Variants in GALNT2 observed in about 807,000 individuals in gnomAD.
The protein encoded by GALNT2 is polypeptide N-acetylgalactosaminyltransferase 2.
Under a neutral mutation model 81.4 loss-of-function variants are expected in GALNT2, and 31 were observed. The observed-to-expected ratio is 0.38, with a 90% CI of 0.29 to 0.51. GALNT2 has a LOEUF of 0.51. GALNT2 is among the 20% of genes least tolerant of loss of function. The probability of loss-of-function intolerance (pLI) is 0.87; values close to 1 mark genes in which losing one functional copy is unlikely to be tolerated. For missense variants in GALNT2, 629 were observed against 765.7 expected, an observed-to-expected ratio of 0.82 and a Z score of 2.11; for synonymous variants, 303 against 287.4, an observed-to-expected ratio of 1.05 and a Z score of -0.55.
At chr1:230,061,721 C>T (rs1022217872) in intron 1 of GALNT2, among the ~76,000 whole-genome samples, 2 of 152,078 alleles carry the variant, frequency 1.3e-5, no homozygotes, top group African/African-American at 4.8e-5. Flanking sequence ...CCTTTCCCTC[C>T]CACCCCTTCT....
At chr1:230,242,432 A>G (rs556272644) in intron 6 of GALNT2, among the ~76,000 whole-genome samples, 2 of 152,344 alleles carry the variant, frequency 1.3e-5, no homozygotes, top group South Asian at 2.1e-4. Flanking sequence ...CTCACCGGTT[A>G]TGAATAGTTG....
Position 230,257,642 on chromosome 1 carries a change from G to C in GALNT2, c.1136+2298G>C, listed in dbSNP as rs564033975. On this transcript the variant is annotated intron_variant, in intron 11 of 15. Transcript: ENST00000366672. This position sits in a 1 kb window ranked among gnomAD's most constrained non-coding sequence, Gnocchi z 4.6. ...TTCACACAACGACAACATCGCCTAA[G>C]GATGCATTTTTCAGGTTGTATCCCT... Among the ~76,000 whole-genome samples the C allele has an allele frequency of 1.8e-4, 27 of 152,292 alleles. No homozygotes were observed. Among genetic ancestry groups the C allele is most frequent in the African/African-American group, 6.5e-4 (27 of 41,546 alleles).
chr1:230,157,508 A>G (rs548590486), intron 1 of GALNT2, among the ~76,000 whole-genome samples: 1 of 152,344 alleles, frequency 6.6e-6, no homozygotes, highest in South Asian at 2.1e-4. Context: ...GGAAATGGAA[A>G]TTTATGTGCT....
At chr1:230,172,841 G>T (rs968036585) in intron 1 of GALNT2, among the ~76,000 whole-genome samples, 7 of 152,140 alleles carry the variant, frequency 4.6e-5, no homozygotes, top group African/African-American at 1.7e-4. Flanking sequence ...TGGGTTTACT[G>T]CTTCTGAAAA....
At chr1:230,117,914 A>C (rs767933699) in intron 1 of GALNT2, among the ~76,000 whole-genome samples, 31 of 152,216 alleles carry the variant, frequency 2.0e-4, no homozygotes, top group Non-Finnish European at 4.0e-4. Context: ...GAAGCAAGAT[A>C]TACGTGTCTG....
intron 1 of GALNT2, among the ~76,000 whole-genome samples, chr1:230,097,272 A>G (rs1196734665): frequency 6.6e-6 from 1 of 152,254 alleles, no homozygotes; most frequent in East Asian, 1.9e-4. Context: ...TATCAACTTA[A>G]CCATTTTTAA....
At chr1:230,210,288 T>C (rs1664196231) in intron 3 of GALNT2, among the ~76,000 whole-genome samples, 1 of 152,206 alleles carries the variant, frequency 6.6e-6, no homozygotes, top group Admixed American at 6.5e-5. Flanking sequence ...AATCAACCTT[T>C]AGGGGGGAAA....
chr1:230,276,404 T>G (rs969131139), intron 15 of GALNT2, among the ~76,000 whole-genome samples: 19 of 152,086 alleles, frequency 1.2e-4, no homozygotes, highest in African/African-American at 4.6e-4. Flanking sequence ...TAGAGATAGA[T>G]GGGATGTAGG....
rs562056649 is a variant in GALNT2, at chr1:230,246,257, C to T, written c.817+107C>T. The T allele has an allele frequency of 2.0e-5, 18 of 881,802 alleles. No homozygotes were observed. In the Admixed American group the frequency reaches 2.1e-4, roughly 10 times the overall value. 54.6% of individuals were successfully genotyped at this position (881,802 alleles called of 1,614,324 possible). ...GTGACAGTGACAACAGTGTTCACGC[C>T]GTAGTGTGTGTTCTGAGTAAAAACC... On this transcript the variant is annotated intron_variant, in intron 8 of 15. Coordinates refer to ENST00000366672, the MANE Select transcript of GALNT2 (RefSeq NM_004481.5).
intron 6 of GALNT2, among the ~76,000 whole-genome samples, chr1:230,239,760 G>A (rs2102738720): frequency 6.6e-6 from 1 of 152,222 alleles, no homozygotes; most frequent in Middle Eastern, 3.4e-3. Flanking sequence ...CTGCTTTCTT[G>A]CCTTCTTTTG....
intron 3 of GALNT2, among the ~76,000 whole-genome samples, chr1:230,212,413 G>A (rs1468430192): frequency 2.0e-5 from 3 of 152,148 alleles, no homozygotes; most frequent in Non-Finnish European, 4.4e-5. Context: ...AGAAGAAATG[G>A]GGTTGTTTTT....
At chr1:230,148,708 T>C (rs1024137919) in intron 1 of GALNT2, among the ~76,000 whole-genome samples, 2 of 152,018 alleles carry the variant, frequency 1.3e-5, no homozygotes, top group African/African-American at 4.8e-5. Context: ...CACCTCAGCC[T>C]TCCGAGTAGC....
In GALNT2 at chr1:230,265,141, G is replaced by A. The variant is rs529100532; in HGVS notation, c.1314-100G>A. 3.7e-5 allele frequency: 56 copies of A among 1,524,354 alleles called. No homozygotes were observed. In the South Asian group the frequency reaches 4.1e-4, roughly 11 times the overall value. 94.4% of individuals were successfully genotyped at this position (1,524,354 alleles called of 1,614,324 possible). A position where few individuals can be genotyped will look rare whatever the true frequency, so the allele number is the denominator to read the frequency against. On this transcript the variant is annotated intron_variant, in intron 13 of 15. Coordinates refer to ENST00000366672, the MANE Select transcript of GALNT2 (RefSeq NM_004481.5). ...TGCCTAGTCACTGGGTCTTTCTCTC[G>A]TTCCTGTCACCTGTCATGAGGCCAC...
At chr1:230,112,806 G>A (rs1660743640) in intron 1 of GALNT2, among the ~76,000 whole-genome samples, 1 of 151,020 alleles carries the variant, frequency 6.6e-6, no homozygotes, top group African/African-American at 2.4e-5. Flanking sequence ...GGGGTGGGGG[G>A]GACCAGGCCT....
chr1:230,255,293 G>A lies in GALNT2; in HGVS notation c.1085G>A (p.Arg362Gln), dbSNP rs1395137158. The A allele has an allele frequency of 5.0e-6, 8 of 1,614,114 alleles. No individual in the cohort carries two copies. Among genetic ancestry groups the A allele is most frequent in the South Asian group, 2.2e-5 (2 of 91,086 alleles). Residue 362 changes from arginine (R) to glutamine (Q), a missense_variant, in exon 11 of 16, where the codon CGG becomes CAG. Coordinates refer to ENST00000366672, the MANE Select transcript of GALNT2 (RefSeq NM_004481.5). ...TGCAGCCGTGTGGGACACGTGTTCC[G>A]GAAGCAGCACCCCTACACGTTCCCG... ...IPCSRVGHVFRKQHPYTFPGG... is the reference protein window; with the variant it reads ...IPCSRVGHVFQKQHPYTFPGG...
At chr1:230,077,887 C>A (rs977632063) in intron 1 of GALNT2, among the ~76,000 whole-genome samples, 1 of 152,234 alleles carries the variant, frequency 6.6e-6, no homozygotes. Context: ...CCATTCCTAT[C>A]CCACCATGAT....
chr1:230,274,647 C>A, intron 15 of GALNT2, 83 bp downstream of exon 15: 2 of 1,517,776 alleles, frequency 1.3e-6, no homozygotes. Context: ...CTCTGTGCTG[C>A]CTCTCAAAGC....
chr1:230,081,286 G>T (rs1424734542), intron 1 of GALNT2, among the ~76,000 whole-genome samples: 2 of 152,158 alleles, frequency 1.3e-5, no homozygotes, highest in South Asian at 2.1e-4. Flanking sequence ...GGGTTCTGCA[G>T]GTAGCTTCAG....
chr1:230,144,688 A>T (rs1198041560), intron 1 of GALNT2, among the ~76,000 whole-genome samples: 1 of 152,052 alleles, frequency 6.6e-6, no homozygotes, highest in East Asian at 1.9e-4. Context: ...GTGTGTTTTA[A>T]AGCAAATCTC....
Sources: gnomAD v4.1 joint callset for allele counts (sites outside exome capture counted in the v4.1 genomes callset) on GRCh38, gnomAD v4.1.1 for gene constraint, Gnocchi (gnomAD v3.1) non-coding constraint, MANE v1.5 for transcripts, NCBI Gene and HGNC (gene_info 2026-07-23, HGNC 2026-07-21) for gene names.